The following ZNF407 variants were observed in gnomAD, a reference collection of about 807,000 sequenced individuals.
The protein encoded by ZNF407 is zinc finger protein 407.
ZNF407 carries 17 observed loss-of-function variants against 131.2 expected under a neutral mutation model. That is an observed-to-expected ratio of 0.13 (90% CI 0.09 to 0.19). The LOEUF is 0.19. Ranked by LOEUF, ZNF407 falls within the 10% of genes least tolerant of loss-of-function variation. ZNF407 has a pLI of 1.00. For missense variants in ZNF407, 2,681 were observed against 2,830.6 expected (o/e 0.95, Z 1.20); for synonymous variants, 1,156 against 1,062.0 (o/e 1.09, Z -1.72).
At chr18:74,609,118 T>A (rs944165706) in intron 1 of ZNF407, among the ~76,000 whole-genome samples, 1 of 152,226 alleles carries the variant, frequency 6.6e-6, no homozygotes, top group African/African-American at 2.4e-5. Context: ...AGGCTTAAGC[T>A]GTTGGAAGTA....
At chr18:74,713,188 C>T (rs565761342) in intron 3 of ZNF407, among the ~76,000 whole-genome samples, 1 of 152,132 alleles carries the variant, frequency 6.6e-6, no homozygotes, top group South Asian at 2.1e-4. Context: ...TGCCTTTGCT[C>T]CACATTAGGA....
At chr18:74,694,308 C>T (rs906504832) in intron 3 of ZNF407, among the ~76,000 whole-genome samples, 6 of 152,190 alleles carry the variant, frequency 3.9e-5, no homozygotes, top group African/African-American at 4.8e-5. Flanking sequence ...GTGTCTCTTC[C>T]GAAGTACTTC....
At chr18:74,902,043 A>G (rs1220967029) in intron 7 of ZNF407, among the ~76,000 whole-genome samples, 1 of 152,176 alleles carries the variant, frequency 6.6e-6, no homozygotes, top group Non-Finnish European at 1.5e-5. Context: ...CACATGAGCC[A>G]TAGAAGGAGG....
chr18:75,010,387 C>T (rs1369028234), intron 8 of ZNF407, among the ~76,000 whole-genome samples: 1 of 152,172 alleles, frequency 6.6e-6, no homozygotes, highest in East Asian at 1.9e-4. Context: ...AACAGTGAGA[C>T]TGACAGCTCA....
chr18:74,743,644 A>G (rs17820465), intron 3 of ZNF407, among the ~76,000 whole-genome samples: 2,311 of 152,098 alleles, frequency 0.015, 17 homozygotes, highest in Non-Finnish European at 0.021. Flanking sequence ...TCATACAGGT[A>G]TTTTTAATGG....
At chr18:74,607,742 A>T (rs1320786076) in intron 1 of ZNF407, among the ~76,000 whole-genome samples, 1 of 152,226 alleles carries the variant, frequency 6.6e-6, no homozygotes, top group East Asian at 1.9e-4. Context: ...CTTCTTATAT[A>T]TAAAAATCTC....
chr18:74,621,942 C>A (rs951120570), intron 1 of ZNF407, among the ~76,000 whole-genome samples: 1 of 152,066 alleles, frequency 6.6e-6, no homozygotes, highest in African/African-American at 2.4e-5. Context: ...GAAGACAGAC[C>A]CTATTACATC....
chr18:74,782,568 C>T (rs937973513), intron 4 of ZNF407, among the ~76,000 whole-genome samples: 5 of 151,650 alleles, frequency 3.3e-5, no homozygotes, highest in African/African-American at 9.7e-5. Context: ...CTCTTCTCTT[C>T]TCTTCTCTTC....
At chr18:74,980,056 A>G (rs1357180583) in intron 8 of ZNF407, among the ~76,000 whole-genome samples, 1 of 152,206 alleles carries the variant, frequency 6.6e-6, no homozygotes, top group African/African-American at 2.4e-5. Context: ...AACAGATTTT[A>G]ATAAAGGGTC....
chr18:74,963,215 A>G (rs961208818), intron 8 of ZNF407, among the ~76,000 whole-genome samples: 2 of 127,340 alleles, frequency 1.6e-5, no homozygotes, highest in Non-Finnish European at 3.3e-5. Context: ...CCATTGGGTT[A>G]TGCATTGCCT....
chr18:74,989,099 T>C (rs1972687917), intron 8 of ZNF407, among the ~76,000 whole-genome samples: 3 of 152,062 alleles, frequency 2.0e-5, no homozygotes, highest in Admixed American at 1.3e-4. Context: ...GATAAGTAAA[T>C]AAACAAGTTA....
intron 8 of ZNF407, among the ~76,000 whole-genome samples, chr18:74,989,053 A>G (rs1299654117): frequency 6.6e-6 from 1 of 152,222 alleles, no homozygotes; most frequent in Non-Finnish European, 1.5e-5. Context: ...TGTTCAAGTA[A>G]TCGAAAGTTA....
At position 74,634,273 on chromosome 18, in the gene ZNF407, C is replaced by T; in HGVS notation, c.3254C>T (p.Ala1085Val). 3 of 1,613,992 alleles carry T rather than the reference C, an allele frequency of 1.9e-6. No homozygotes were observed. Among genetic ancestry groups the T allele is most frequent in the Non-Finnish European group, 2.5e-6 (3 of 1,179,892 alleles). ...QSYLNSANVEAGSADMSKNII... is the reference protein window; with the variant it reads ...QSYLNSANVEVGSADMSKNII... ...TATCTCAACTCTGCTAATGTAGAAG[C>T]TGGTTCTGCAGACATGTCCAAAAAC... The change falls in exon 2 of 9, where the codon GCT becomes GTT. Residue 1085 changes from alanine (A) to valine (V), a missense_variant. By Grantham distance (64) the Ala-to-Val change is moderately conservative. Transcript: ENST00000299687.
chr18:75,013,302 T>C (rs1209430994), intron 8 of ZNF407, among the ~76,000 whole-genome samples: 1 of 152,120 alleles, frequency 6.6e-6, no homozygotes, highest in African/African-American at 2.4e-5. Flanking sequence ...GACATGATGT[T>C]TCACAGCAGG....
chr18:74,734,615 C>A (rs528065307), intron 3 of ZNF407, among the ~76,000 whole-genome samples: 1 of 151,954 alleles, frequency 6.6e-6, no homozygotes, highest in East Asian at 1.9e-4. Context: ...CCTCACCTGG[C>A]ACATGAGTGT....
At chr18:74,774,139 G>A (rs999274498) in intron 3 of ZNF407, among the ~76,000 whole-genome samples, 1 of 152,130 alleles carries the variant, frequency 6.6e-6, no homozygotes, top group Non-Finnish European at 1.5e-5. Context: ...TATAAAATAT[G>A]GTATAAAATC....
At chr18:74,762,606 A>G (rs763568388) in intron 3 of ZNF407, among the ~76,000 whole-genome samples, 2 of 151,788 alleles carry the variant, frequency 1.3e-5, no homozygotes, top group South Asian at 4.1e-4. Context: ...TGCCATCCCT[A>G]TGCAACTGCT....
At chr18:74,629,904 T>C (rs1164233116) in intron 1 of ZNF407, among the ~76,000 whole-genome samples, 1 of 151,608 alleles carries the variant, frequency 6.6e-6, no homozygotes, top group Non-Finnish European at 1.5e-5. Context: ...AATAAAATTC[T>C]TTTTTTTCTC....
intron 3 of ZNF407, among the ~76,000 whole-genome samples, chr18:74,758,429 C>T (rs1420197735): frequency 6.6e-6 from 1 of 152,084 alleles, no homozygotes; most frequent in Non-Finnish European, 1.5e-5. Context: ...TGTATAAAAG[C>T]TCCTACATAC....
Sources: allele counts gnomAD v4.1 joint callset (sites outside exome capture counted in the v4.1 genomes callset), GRCh38; gene constraint gnomAD v4.1.1; transcripts MANE v1.5; gene names NCBI Gene and HGNC (gene_info 2026-07-23, HGNC 2026-07-21).